PDK1: variants seen among roughly 807,000 people sequenced by gnomAD.
The protein encoded by PDK1 is [Pyruvate dehydrogenase (acetyl-transferring)] kinase isozyme 1, mitochondrial.
PDK1 carries 39 observed loss-of-function variants against 54.2 expected under a neutral mutation model. The ratio of observed to expected loss-of-function variants is 0.72; its 90% CI spans 0.56 to 0.94. The LOEUF (loss-of-function observed/expected upper bound fraction) is 0.94. Among genes scored for constraint, PDK1 ranks in the 40% least tolerant of loss-of-function variants. The pLI, the probability that PDK1 is intolerant of heterozygous loss-of-function variation, is 0.00. For synonymous variants in PDK1, 221 were observed against 207.1 expected, an observed-to-expected ratio of 1.07 and a Z score of -0.58; for missense variants, 552 against 566.0, an observed-to-expected ratio of 0.98 and a Z score of 0.25.
chr2:172,704,021 G>A, the PDK1 span, among the ~76,000 whole-genome samples: 9 of 151,850 alleles, frequency 5.9e-5, no homozygotes, highest in African/African-American at 1.2e-4. Context: ...TGATCCACCC[G>A]CCTCAGCCTC....
the PDK1 span, among the ~76,000 whole-genome samples, chr2:172,648,169 G>A: frequency 3.0e-4 from 46 of 152,232 alleles, no homozygotes; most frequent in African/African-American, 1.0e-3. Context: ...TAGGAAACCC[G>A]ATAAAATTTA....
At chr2:172,561,901 A>G (rs1688672918) in intron 2 of PDK1, among the ~76,000 whole-genome samples, 2 of 152,214 alleles carry the variant, frequency 1.3e-5, no homozygotes, top group Admixed American at 1.3e-4. Context: ...AGATCTCAGC[A>G]TAATCAGTAT....
At chr2:172,707,466 G>C in the PDK1 span, among the ~76,000 whole-genome samples, 1 of 152,162 alleles carries the variant, frequency 6.6e-6, no homozygotes, top group Non-Finnish European at 1.5e-5. Flanking sequence ...CCTCTGGCTA[G>C]AGAGCAGAGG....
the PDK1 span, among the ~76,000 whole-genome samples, chr2:172,645,670 C>T: frequency 2.6e-5 from 4 of 152,158 alleles, no homozygotes; most frequent in South Asian, 2.1e-4. Context: ...AAGAGAAAAA[C>T]GACTTAGACT....
chr2:172,642,542 G>A, the PDK1 span, among the ~76,000 whole-genome samples: 96,926 of 152,048 alleles, frequency 0.64, 32,157 homozygotes, highest in Non-Finnish European at 0.74. Context: ...CAAACTCAGC[G>A]TGGGACCCAA....
the PDK1 span, among the ~76,000 whole-genome samples, chr2:172,616,539 G>T: frequency 6.6e-6 from 1 of 152,112 alleles, no homozygotes; most frequent in Admixed American, 6.5e-5. Context: ...AAGGTGAGGG[G>T]ATGATAAGTG....
chr2:172,690,832 C>A, the PDK1 span, among the ~76,000 whole-genome samples: 1 of 140,354 alleles, frequency 7.1e-6, no homozygotes, highest in Non-Finnish European at 1.5e-5. Context: ...TGGGGAACAT[C>A]ACACACTGGG....
chr2:172,568,705 C>T (rs1418141616), intron 6 of PDK1, 36 bp from the exon 7 acceptor site: 3 of 1,268,512 alleles, frequency 2.4e-6, no homozygotes, highest in Non-Finnish European at 2.3e-6. Context: ...AAGCACATCT[C>T]TCTGTACTTT....
chr2:172,563,856 T>G (rs1026019465), intron 3 of PDK1, among the ~76,000 whole-genome samples: 2 of 152,122 alleles, frequency 1.3e-5, no homozygotes, highest in Non-Finnish European at 2.9e-5. Flanking sequence ...AGACTTATTT[T>G]CTCTTTTATT....
the PDK1 span, among the ~76,000 whole-genome samples, chr2:172,663,248 T>C: frequency 6.6e-6 from 1 of 152,196 alleles, no homozygotes; most frequent in South Asian, 2.1e-4. Context: ...TCCTTATCTA[T>C]TCTTCTTAAT....
the PDK1 span, among the ~76,000 whole-genome samples, chr2:172,657,285 CAAAG>C: frequency 6.6e-6 from 1 of 151,378 alleles, no homozygotes; most frequent in African/African-American, 2.4e-5. Context: ...CTTAGCCTCC[CAAAG>C]TGCTGGAATT....
the PDK1 span, among the ~76,000 whole-genome samples, chr2:172,655,424 A>G: frequency 6.6e-6 from 1 of 152,308 alleles, no homozygotes; most frequent in African/African-American, 2.4e-5. Flanking sequence ...CCTTTTGCTA[A>G]TCCCACTAAT....
the PDK1 span, among the ~76,000 whole-genome samples, chr2:172,683,096 C>T: frequency 1.3e-5 from 2 of 152,030 alleles, no homozygotes; most frequent in Non-Finnish European, 2.9e-5. Flanking sequence ...CCTGTAATCC[C>T]AGCACTTTGG....
chr2:172,644,550 G>C, the PDK1 span, among the ~76,000 whole-genome samples: 1 of 152,222 alleles, frequency 6.6e-6, no homozygotes, highest in East Asian at 1.9e-4. Flanking sequence ...CAATAAATGA[G>C]AGTTGTGATT....
chr2:172,697,561 G>A, the PDK1 span, among the ~76,000 whole-genome samples: 1 of 152,240 alleles, frequency 6.6e-6, no homozygotes, highest in Middle Eastern at 3.4e-3. Context: ...GATCCAAGCT[G>A]AGCTCAGAAT....
chr2:172,633,055 T>C, the PDK1 span, among the ~76,000 whole-genome samples: 3 of 150,666 alleles, frequency 2.0e-5, no homozygotes, highest in Non-Finnish European at 4.4e-5. Flanking sequence ...TATTTTTTCC[T>C]TTTTAGAGAC....
In PDK1 at chr2:172,606,289, A is replaced by C. The variant is rs1418725546; in HGVS notation, c.*10320A>C. 1 of 152,242 alleles carries C rather than the reference A, an allele frequency of 6.6e-6. No homozygotes were observed. Among genetic ancestry groups the C allele is most frequent in the Non-Finnish European group, 1.5e-5 (1 of 68,046 alleles). The allele number at this position is 152,242 out of a possible 1,614,324, so 9.4% of individuals were successfully genotyped here. ...AATTTGCCTGCATCCTCTGGAAGGT[A>C]AAGAAGATCTCCTCTCTCTTAGAAC... is the stretch of plus-strand genomic sequence containing the variant. On this transcript the variant is annotated 3_prime_UTR_variant, in exon 11 of 11. Transcript: ENST00000282077.
intron 9 of PDK1, among the ~76,000 whole-genome samples, chr2:172,588,256 T>C (rs1033120529): frequency 1.3e-5 from 2 of 152,254 alleles, no homozygotes; most frequent in African/African-American, 4.8e-5. Context: ...AGGGAGCTGC[T>C]GTTTTTGTAG....
chr2:172,711,770 G>A, the PDK1 span, among the ~76,000 whole-genome samples: 3 of 149,622 alleles, frequency 2.0e-5, no homozygotes, highest in African/African-American at 7.4e-5. Flanking sequence ...GGAGGATAAG[G>A]TGAGAGGATC....
Sources: allele counts gnomAD v4.1 joint callset (sites outside exome capture counted in the v4.1 genomes callset), GRCh38; gene constraint gnomAD v4.1.1; transcripts MANE v1.5; gene names NCBI Gene and HGNC (gene_info 2026-07-23, HGNC 2026-07-21).